Variants in PRKCH observed in about 807,000 individuals in gnomAD.
PRKCH encodes the protein protein kinase C eta.
PRKCH carries 28 observed loss-of-function variants against 82.5 expected under a neutral mutation model. The observed-to-expected ratio is 0.34, with a 90% CI of 0.25 to 0.47. PRKCH has a LOEUF of 0.47. Among genes scored for constraint, PRKCH ranks in the 20% least tolerant of loss-of-function variants. PRKCH has a pLI of 1.00. For synonymous variants in PRKCH, 322 were observed against 327.4 expected (o/e 0.98, Z 0.18); for missense variants, 705 against 881.8 (o/e 0.80, Z 2.54).
chr14:61,200,016 T>C (rs1439300489), intron 1 of PRKCH, among the ~76,000 whole-genome samples: 2 of 152,208 alleles, frequency 1.3e-5, no homozygotes, highest in African/African-American at 2.4e-5. Context: ...ATCTGGTATA[T>C]TAAAAATTGA....
At chr14:61,375,008 A>T (rs911928388) in intron 1 of PRKCH, among the ~76,000 whole-genome samples, 1 of 151,974 alleles carries the variant, frequency 6.6e-6, no homozygotes, top group Admixed American at 6.5e-5. Flanking sequence ...ATTTCACACC[A>T]TCCCTTTCTT....
intron 2 of PRKCH, among the ~76,000 whole-genome samples, chr14:61,428,441 A>AG (rs1566876815): frequency 6.6e-6 from 1 of 151,990 alleles, no homozygotes; most frequent in Non-Finnish European, 1.5e-5. Context: ...CTAGTTTTTC[A>AG]GGGGTTTTTT....
chr14:61,257,476 T>C (rs2045007866), intron 1 of PRKCH, among the ~76,000 whole-genome samples: 1 of 152,080 alleles, frequency 6.6e-6, no homozygotes, highest in Non-Finnish European at 1.5e-5. Context: ...GAGCTCTTCT[T>C]TGAAGCAGCA....
At chr14:61,421,581 C>G (rs914897152) in intron 2 of PRKCH, among the ~76,000 whole-genome samples, 3 of 152,148 alleles carry the variant, frequency 2.0e-5, no homozygotes, top group South Asian at 2.1e-4. Flanking sequence ...CTTTTTAAAT[C>G]TCATCTCCTA....
At chr14:61,273,523 A>T (rs57996639) in intron 1 of PRKCH, among the ~76,000 whole-genome samples, 2,785 of 152,338 alleles carry the variant, frequency 0.018, 103 homozygotes, top group African/African-American at 0.064. Flanking sequence ...AACATTCATT[A>T]ACATACTGGA....
At chr14:61,193,174 G>A (rs577965240) in intron 1 of PRKCH, among the ~76,000 whole-genome samples, 19 of 152,268 alleles carry the variant, frequency 1.2e-4, no homozygotes, top group Non-Finnish European at 2.1e-4. Context: ...AGACCTAAAG[G>A]GTGGCAGGCA....
intron 1 of PRKCH, among the ~76,000 whole-genome samples, chr14:61,323,901 G>T (rs369142749): frequency 4.2e-4 from 64 of 152,324 alleles, no homozygotes; most frequent in African/African-American, 1.5e-3. Context: ...GAGTTAGGTC[G>T]GGCAAAGCTC....
intron 13 of PRKCH, 147 bp from the exon 14 acceptor site, chr14:61,549,538 T>A: frequency 1.1e-6 from 1 of 922,840 alleles, no homozygotes; most frequent in East Asian, 2.4e-5. Flanking sequence ...TAAAGCACAG[T>A]TTCATCATAA....
chr14:61,420,191 G>A (rs1342682909), intron 2 of PRKCH, among the ~76,000 whole-genome samples: 2 of 152,116 alleles, frequency 1.3e-5, no homozygotes, highest in African/African-American at 2.4e-5. Context: ...ACGTGTGTGT[G>A]TGCGTGTATG....
chr14:61,354,035 C>A (rs1448046167), intron 1 of PRKCH: 2 of 152,062 alleles, frequency 1.3e-5, no homozygotes, highest in Non-Finnish European at 2.9e-5. Flanking sequence ...TAAGGCTATA[C>A]AATAATTTAA....
chr14:61,483,372 G>A (rs1333244543), intron 9 of PRKCH, among the ~76,000 whole-genome samples: 1 of 152,190 alleles, frequency 6.6e-6, no homozygotes, highest in Non-Finnish European at 1.5e-5. Context: ...TGAAGGCCAG[G>A]AGCTTAGGCA....
chr14:61,229,025 T>C (rs1452230116), intron 1 of PRKCH, among the ~76,000 whole-genome samples: 1 of 152,158 alleles, frequency 6.6e-6, no homozygotes, highest in Non-Finnish European at 1.5e-5. Context: ...GCCATCAAAA[T>C]AGGCATATCC....
At chr14:61,501,916 A>G (rs997702776) in intron 10 of PRKCH, among the ~76,000 whole-genome samples, 1 of 152,110 alleles carries the variant, frequency 6.6e-6, no homozygotes, top group African/African-American at 2.4e-5. Context: ...CAAGCTCTGC[A>G]TTTGAATGTC....
At chr14:61,494,650 G>A (rs756720788) in intron 10 of PRKCH, among the ~76,000 whole-genome samples, 140 of 152,310 alleles carry the variant, frequency 9.2e-4, no homozygotes, top group Middle Eastern at 6.8e-3. Context: ...GGAACATGCC[G>A]TGTCAATATA....
At chr14:61,375,267 G>A (rs1027529345) in intron 1 of PRKCH, among the ~76,000 whole-genome samples, 19 of 151,962 alleles carry the variant, frequency 1.3e-4, no homozygotes, top group African/African-American at 3.4e-4. Flanking sequence ...TGTCCATATC[G>A]CTATCAGCAT....
intron 10 of PRKCH, among the ~76,000 whole-genome samples, chr14:61,488,264 A>G (rs1886316385): frequency 1.3e-5 from 2 of 152,202 alleles, no homozygotes; most frequent in African/African-American, 4.8e-5. Context: ...TTGAGGCTGC[A>G]GTGAGCTGTA....
chr14:61,358,567 C>T (rs940865226), intron 1 of PRKCH, among the ~76,000 whole-genome samples: 3 of 152,206 alleles, frequency 2.0e-5, no homozygotes, highest in Non-Finnish European at 2.9e-5. Context: ...CTCCTGCCTC[C>T]TTTATGTTCC....
At chr14:61,360,819 A>G (rs190159038) in intron 1 of PRKCH, among the ~76,000 whole-genome samples, 3 of 152,218 alleles carry the variant, frequency 2.0e-5, no homozygotes, top group East Asian at 3.9e-4. Context: ...TGGTAATACC[A>G]TGGAACTCAC....
intron 1 of PRKCH, among the ~76,000 whole-genome samples, chr14:61,378,379 AT>A (rs573024882): frequency 6.6e-6 from 1 of 151,564 alleles, no homozygotes; most frequent in Non-Finnish European, 1.5e-5. Flanking sequence ...CATCTGGCTA[AT>A]TTTTTTTATA....
Sources: gnomAD v4.1 joint callset for allele counts (sites outside exome capture counted in the v4.1 genomes callset) on GRCh38, gnomAD v4.1.1 for gene constraint, MANE v1.5 for transcripts, NCBI Gene and HGNC (gene_info 2026-07-23, HGNC 2026-07-21) for gene names.